OR6N1: variants seen among roughly 807,000 people sequenced by gnomAD.
The protein encoded by OR6N1 is olfactory receptor family 6 subfamily N member 1, also known as olfactory receptor 6N1.
For synonymous variants in OR6N1, 170 were observed against 150.7 expected (o/e 1.13, Z -0.94); for missense variants, 394 against 371.7 (o/e 1.06, Z -0.49).
At chr1:158,793,678 T>C in the OR6N1 span, among the ~76,000 whole-genome samples, 1 of 152,212 alleles carries the variant, frequency 6.6e-6, no homozygotes, top group South Asian at 2.1e-4. Flanking sequence ...TGAAACTTAT[T>C]TTATTCCTCA....
chr1:158,830,647 A>C, the OR6N1 span, among the ~76,000 whole-genome samples: 1 of 152,216 alleles, frequency 6.6e-6, no homozygotes, highest in Non-Finnish European at 1.5e-5. Context: ...CTATCATTCC[A>C]GAGTTTCAGT....
the OR6N1 span, among the ~76,000 whole-genome samples, chr1:158,778,800 G>A: frequency 6.6e-6 from 1 of 151,786 alleles, no homozygotes; most frequent in Non-Finnish European, 1.5e-5. Flanking sequence ...AGATCACGAG[G>A]TCGGGAGATT....
chr1:158,796,224 T>C, the OR6N1 span: 4 of 152,222 alleles, frequency 2.6e-5, no homozygotes, highest in Admixed American at 1.3e-4. Flanking sequence ...GGACCTAGTA[T>C]GCTTCAGAGT....
intron 1 of OR6N1, among the ~76,000 whole-genome samples, chr1:158,771,345 A>G (rs2102010508): frequency 6.6e-6 from 1 of 152,248 alleles, no homozygotes; most frequent in Non-Finnish European, 1.5e-5. Context: ...ACCATGTCCT[A>G]CCTCCTAGAG....
At chr1:158,829,628 A>C in the OR6N1 span, among the ~76,000 whole-genome samples, 23,934 of 152,170 alleles carry the variant, frequency 0.16, 2,279 homozygotes, top group Admixed American at 0.26. Flanking sequence ...TCTTCTTCTG[A>C]GCCTTCCAAA....
At chr1:158,837,163 G>A in the OR6N1 span, among the ~76,000 whole-genome samples, 714 of 151,958 alleles carry the variant, frequency 4.7e-3, 4 homozygotes, top group African/African-American at 0.017. Flanking sequence ...TGAAAAATGT[G>A]TATTCTACTG....
At chr1:158,833,417 C>T in the OR6N1 span, among the ~76,000 whole-genome samples, 1 of 152,172 alleles carries the variant, frequency 6.6e-6, no homozygotes. Context: ...TGTTGTGCAA[C>T]CAACCTCCAG....
chr1:158,835,204 G>C, the OR6N1 span, among the ~76,000 whole-genome samples: 1 of 152,170 alleles, frequency 6.6e-6, no homozygotes, highest in African/African-American at 2.4e-5. Flanking sequence ...TGCATATGCA[G>C]TTCCTTGGGT....
rs1657195436 is a variant in OR6N1, at chr1:158,764,625, G to GTA, written c.*1118_*1119insTA. 6.6e-6 allele frequency: 1 copy of GTA among 151,984 alleles called. No individual in the cohort carries two copies. Among genetic ancestry groups the GTA allele is most frequent in the Non-Finnish European group, 1.5e-5 (1 of 67,954 alleles). 9.4% of individuals were successfully genotyped at this position (151,984 alleles called of 1,614,324 possible). ...CAAAGATTTCTTGTAGTTAATATTTGATCCTCCATTCATGGAAGGATACAT... is the reference window on the plus strand; with the variant it reads ...CAAAGATTTCTTGTAGTTAATATTTGTAATCCTCCATTCATGGAAGGATACAT... On this transcript the variant is annotated 3_prime_UTR_variant, in exon 2 of 2. Transcript: ENST00000641846.
the OR6N1 span, among the ~76,000 whole-genome samples, chr1:158,786,918 CA>C: frequency 1.3e-5 from 2 of 152,008 alleles, no homozygotes; most frequent in Non-Finnish European, 2.9e-5. Flanking sequence ...ACAGGTGCAC[CA>C]AAATCTCAGA....
At chr1:158,767,024 G>A (rs946528553) in intron 1 of OR6N1, among the ~76,000 whole-genome samples, 4 of 151,782 alleles carry the variant, frequency 2.6e-5, no homozygotes, top group African/African-American at 9.7e-5. Context: ...CTAATCCAAG[G>A]TATATATTAA....
At chr1:158,796,017 G>A in the OR6N1 span, 2 of 152,278 alleles carry the variant, frequency 1.3e-5, no homozygotes, top group Non-Finnish European at 2.9e-5. Context: ...AAGTAAAAGT[G>A]TGGTCACCAT....
chr1:158,777,152 G>C, upstream of OR6N1: 1 of 1,614,072 alleles, frequency 6.2e-7, no homozygotes, highest in Non-Finnish European at 8.5e-7. Context: ...TGGGAGGCAA[G>C]GATGACCTCA....
the OR6N1 span, chr1:158,777,293 G>A: frequency 9.3e-6 from 15 of 1,614,036 alleles, no homozygotes; most frequent in Non-Finnish European, 1.0e-5. Flanking sequence ...ATGGCTGTAA[G>A]AAGGTAGCAT....
chr1:158,785,864 T>C, the OR6N1 span, among the ~76,000 whole-genome samples: 1 of 152,178 alleles, frequency 6.6e-6, no homozygotes, highest in Non-Finnish European at 1.5e-5. Flanking sequence ...GCAGACAAAC[T>C]TTTTCTTAAA....
the OR6N1 span, among the ~76,000 whole-genome samples, chr1:158,802,587 T>A: frequency 6.6e-6 from 1 of 152,098 alleles, no homozygotes; most frequent in Non-Finnish European, 1.5e-5. Context: ...TTCTCATCCA[T>A]CCCTACTAAC....
intron 1 of OR6N1, among the ~76,000 whole-genome samples, chr1:158,767,704 A>C (rs1364377581): frequency 6.6e-6 from 1 of 152,198 alleles, no homozygotes; most frequent in Admixed American, 6.5e-5. Flanking sequence ...TACTAAACAA[A>C]CAAAAAAGCA....
the OR6N1 span, among the ~76,000 whole-genome samples, chr1:158,794,169 T>G: frequency 6.6e-6 from 1 of 152,166 alleles, no homozygotes; most frequent in Non-Finnish European, 1.5e-5. Flanking sequence ...TGATTTCCCA[T>G]AGCAGAAGTC....
intron 1 of OR6N1, among the ~76,000 whole-genome samples, chr1:158,768,961 T>C (rs763404035): frequency 2.0e-4 from 31 of 152,184 alleles, no homozygotes; most frequent in Admixed American, 8.5e-4. Context: ...AGGGCAAAGA[T>C]TTTTTTCTTT....
Sources: allele counts gnomAD v4.1 joint callset (sites outside exome capture counted in the v4.1 genomes callset), GRCh38; gene constraint gnomAD v4.1.1; transcripts MANE v1.5; gene names NCBI Gene and HGNC (gene_info 2026-07-23, HGNC 2026-07-21).